TCF12: variants seen among roughly 807,000 people sequenced by gnomAD.
TCF12 encodes the protein transcription factor 12.
A neutral mutation model predicts 86.0 loss-of-function variants in TCF12; 45 were observed. That is an observed-to-expected ratio of 0.52 (90% confidence interval 0.41 to 0.67). The LOEUF (loss-of-function observed/expected upper bound fraction) is 0.67, where lower values mean the gene tolerates loss of function less well. TCF12 is among the 30% of genes least tolerant of loss of function. The pLI, the probability that TCF12 is intolerant of heterozygous loss-of-function variation, is 0.00. For missense variants in TCF12, 881 were observed against 859.9 expected (o/e 1.02, Z -0.31); for synonymous variants, 330 against 299.6 (o/e 1.10, Z -1.05).
intron 3 of TCF12, among the ~76,000 whole-genome samples, chr15:56,922,207 A>AT (rs2059825566): frequency 6.6e-6 from 1 of 151,916 alleles, no homozygotes; most frequent in South Asian, 2.1e-4. Flanking sequence ...GATACATCTC[A>AT]TTTTTGCAAC....
rs144208092 is a variant in TCF12 at position 57,276,981 on chromosome 15, T to C, written c.1978+3719T>C. 4.6e-5 allele frequency among the ~76,000 whole-genome samples: 7 copies of C among 151,988 alleles called. No homozygotes were observed. In the East Asian group the frequency reaches 1.2e-3, roughly 25 times the overall value. On this transcript the variant is annotated intron_variant, in intron 19 of 20. Transcript: ENST00000333725. ...CACCATGCCCAGTTAATTTTTTGTATTTTTAGTAGAGACAGAGTTTCACCA... is the reference window on the plus strand; with the variant it reads ...CACCATGCCCAGTTAATTTTTTGTACTTTTAGTAGAGACAGAGTTTCACCA...
At chr15:57,085,761 C>G (rs1596461741) in intron 4 of TCF12, among the ~76,000 whole-genome samples, 1 of 152,248 alleles carries the variant, frequency 6.6e-6, no homozygotes, top group East Asian at 1.9e-4. Flanking sequence ...TAATATTTCA[C>G]TTTGAAGCAT....
chr15:57,284,034 G>T (rs2152142739), intron 20 of TCF12, among the ~76,000 whole-genome samples: 2 of 152,288 alleles, frequency 1.3e-5, no homozygotes, highest in Middle Eastern at 6.8e-3. Flanking sequence ...CTAACAGATT[G>T]TACATGTCAG....
intron 18 of TCF12, among the ~76,000 whole-genome samples, chr15:57,266,668 T>C (rs1343592333): frequency 4.6e-5 from 7 of 152,238 alleles, no homozygotes; most frequent in East Asian, 3.8e-4. Flanking sequence ...AGTATGAATA[T>C]AGACACATAG....
At chr15:57,183,817 T>C (rs1213759308) in intron 6 of TCF12, among the ~76,000 whole-genome samples, 2 of 152,192 alleles carry the variant, frequency 1.3e-5, no homozygotes, top group Admixed American at 6.5e-5. Context: ...TCATTAATGT[T>C]AGATAATTTG....
At chr15:57,144,661 C>A (rs114205550) in intron 5 of TCF12, among the ~76,000 whole-genome samples, 1 of 152,162 alleles carries the variant, frequency 6.6e-6, no homozygotes, top group African/African-American at 2.4e-5. Flanking sequence ...TGTGGTGGCA[C>A]GAGCTCAGCT....
At chr15:57,057,075 A>ACC (rs1938126550) in intron 3 of TCF12, among the ~76,000 whole-genome samples, 2 of 152,210 alleles carry the variant, frequency 1.3e-5, no homozygotes, top group African/African-American at 4.8e-5. Context: ...GCTTTTGGTT[A>ACC]GACTCATAGC....
intron 3 of TCF12, among the ~76,000 whole-genome samples, chr15:56,953,568 A>C (rs2061371981): frequency 6.6e-6 from 1 of 151,906 alleles, no homozygotes; most frequent in Non-Finnish European, 1.5e-5. Flanking sequence ...TTTTCATTGG[A>C]GGTTTTAAAC....
At chr15:56,920,478 A>G (rs1262457221) in intron 2 of TCF12, among the ~76,000 whole-genome samples, 3 of 90,628 alleles carry the variant, frequency 3.3e-5, no homozygotes, top group Non-Finnish European at 4.5e-5. Context: ...TATTTTATAC[A>G]CACACACACG....
chr15:57,271,458 G>C (rs1229891762), intron 18 of TCF12, among the ~76,000 whole-genome samples: 1 of 152,200 alleles, frequency 6.6e-6, no homozygotes, highest in Non-Finnish European at 1.5e-5. Context: ...CGCAGTATTT[G>C]GGCAGGAGTA....
At chr15:57,045,467 CTG>C (rs2067171537) in intron 3 of TCF12, among the ~76,000 whole-genome samples, 3 of 152,124 alleles carry the variant, frequency 2.0e-5, no homozygotes, top group South Asian at 4.1e-4. Flanking sequence ...GTATTACACT[CTG>C]TGGTAATATC....
intron 17 of TCF12, among the ~76,000 whole-genome samples, chr15:57,262,526 C>G (rs1271156079): frequency 6.6e-6 from 1 of 152,130 alleles, no homozygotes; most frequent in African/African-American, 2.4e-5. Context: ...TCTTTAGAGG[C>G]ATTGACAGAG....
chr15:57,175,121 G>A (rs1284875155), intron 6 of TCF12, among the ~76,000 whole-genome samples: 2 of 152,146 alleles, frequency 1.3e-5, no homozygotes, highest in Non-Finnish European at 2.9e-5. Flanking sequence ...TGAGGCAGGA[G>A]GATTGTTTGA....
chr15:57,185,133 C>T (rs2056593310), intron 6 of TCF12, among the ~76,000 whole-genome samples: 1 of 152,134 alleles, frequency 6.6e-6, no homozygotes, highest in Non-Finnish European at 1.5e-5. Context: ...ATTGTCTTCT[C>T]TCTACTTTCC....
chr15:56,963,438 G>C (rs2061865239), intron 3 of TCF12, among the ~76,000 whole-genome samples: 1 of 152,118 alleles, frequency 6.6e-6, no homozygotes, highest in Non-Finnish European at 1.5e-5. Context: ...ATTTAGCTTT[G>C]TTGTTTTTGA....
chr15:57,042,969 T>G (rs1244528878), intron 3 of TCF12, among the ~76,000 whole-genome samples: 1 of 152,168 alleles, frequency 6.6e-6, no homozygotes, highest in Non-Finnish European at 1.5e-5. Context: ...TTTCGCTACT[T>G]TAGATACTTC....
intron 3 of TCF12, among the ~76,000 whole-genome samples, chr15:56,942,985 A>G (rs1315661777): frequency 6.6e-6 from 1 of 152,204 alleles, no homozygotes; most frequent in Non-Finnish European, 1.5e-5. Context: ...AATTGCAAGA[A>G]CATAAGCCTA....
chr15:57,259,575 A>G (rs1264630875), intron 16 of TCF12, among the ~76,000 whole-genome samples: 1 of 152,240 alleles, frequency 6.6e-6, no homozygotes, highest in African/African-American at 2.4e-5. Context: ...CCATACATAG[A>G]TTGTGAAGAT....
intron 8 of TCF12, chr15:57,219,720 CTTTTTT>C (rs11395092): frequency 5.6e-4 from 165 of 295,728 alleles, no homozygotes; most frequent in Middle Eastern, 1.0e-3. Context: ...TTGTAGATTT[CTTTTTT>C]TTTTTTTTTT....
Sources: allele counts gnomAD v4.1 joint callset (sites outside exome capture counted in the v4.1 genomes callset), GRCh38; gene constraint gnomAD v4.1.1; transcripts MANE v1.5; gene names NCBI Gene and HGNC (gene_info 2026-07-23, HGNC 2026-07-21).